The following YEATS2 variants were observed in gnomAD, a reference collection of about 807,000 sequenced individuals.
YEATS2 encodes the protein YEATS domain-containing protein 2.
In YEATS2, 77 loss-of-function variants were observed where a neutral mutation model predicts 163.2. The observed-to-expected ratio is 0.47, with a 90% CI of 0.39 to 0.57. The LOEUF (loss-of-function observed/expected upper bound fraction) is 0.57, where lower values mean the gene tolerates loss of function less well. YEATS2 is among the 20% of genes least tolerant of loss of function. YEATS2 has a pLI of 0.00. For missense variants in YEATS2, 1,549 were observed against 1,729.8 expected (o/e 0.90, Z 1.85); for synonymous variants, 631 against 645.1 (o/e 0.98, Z 0.33).
intron 14 of YEATS2, 38 bp from the exon 15 acceptor site, chr3:183,762,059 T>C (rs777449546): frequency 6.2e-7 from 1 of 1,613,750 alleles, no homozygotes; most frequent in South Asian, 1.1e-5. Flanking sequence ...ATGGGATGTT[T>C]ATGGATGTTT....
intron 15 of YEATS2, 125 bp downstream of exon 15, chr3:183,762,404 G>A (rs1721459908): frequency 1.6e-6 from 2 of 1,243,972 alleles, no homozygotes; most frequent in Admixed American, 2.8e-5. Context: ...GTGGGTGAAA[G>A]CCTAGTTGGA....
At chr3:183,755,047 T>C (rs1314358671) in intron 11 of YEATS2, among the ~76,000 whole-genome samples, 3 of 152,168 alleles carry the variant, frequency 2.0e-5, no homozygotes, top group African/African-American at 7.2e-5. Context: ...TGTTTGGTGT[T>C]GTAAGTAGAC....
intron 8 of YEATS2, among the ~76,000 whole-genome samples, chr3:183,737,352 G>A (rs1718447352): frequency 6.6e-6 from 1 of 152,154 alleles, no homozygotes; most frequent in African/African-American, 2.4e-5. Flanking sequence ...GCTAAGAATA[G>A]TGGGGGGAAG....
chr3:183,764,394 A>G (rs1046192710), intron 15 of YEATS2, among the ~76,000 whole-genome samples: 1 of 140,290 alleles, frequency 7.1e-6, no homozygotes. Flanking sequence ...AAAAAAAAAG[A>G]TATCATATAG....
intron 24 of YEATS2, 121 bp from the exon 25 acceptor site, chr3:183,801,334 T>C (rs533599365): frequency 3.3e-6 from 2 of 610,298 alleles, no homozygotes; most frequent in African/African-American, 3.8e-5. Flanking sequence ...GCTAATATGA[T>C]GGTTTTAATT....
intron 12 of YEATS2, among the ~76,000 whole-genome samples, chr3:183,758,311 C>T (rs1261774405): frequency 3.3e-5 from 5 of 152,018 alleles, no homozygotes; most frequent in East Asian, 1.9e-4. Flanking sequence ...GAGCCGAGAT[C>T]AGGCAACTGC....
intron 21 of YEATS2, chr3:183,793,614 T>C (rs1004356298): frequency 1.3e-3 from 320 of 239,790 alleles, no homozygotes; most frequent in African/African-American, 5.3e-3. Flanking sequence ...TCTTTCTTTT[T>C]TTTTTTTTTT....
chr3:183,707,484 A>G (rs1156794170), intron 1 of YEATS2, among the ~76,000 whole-genome samples: 1 of 152,144 alleles, frequency 6.6e-6, no homozygotes, highest in Admixed American at 6.5e-5. Context: ...GCTAATGGAA[A>G]ATGGATTGTA....
chr3:183,804,585 C>T (rs1347437975), intron 27 of YEATS2, among the ~76,000 whole-genome samples: 1 of 152,246 alleles, frequency 6.6e-6, no homozygotes, highest in Non-Finnish European at 1.5e-5. Flanking sequence ...GCCTGTGTCT[C>T]ATCTGTTACT....
At chr3:183,781,253 C>T (rs1244264019) in intron 19 of YEATS2, among the ~76,000 whole-genome samples, 2 of 152,044 alleles carry the variant, frequency 1.3e-5, no homozygotes, top group East Asian at 1.9e-4. Context: ...CAAAGGCCTG[C>T]GAACTGGTGG....
chr3:183,758,717 A>G, intron 12 of YEATS2, 145 bp from the exon 13 acceptor site: 1 of 647,648 alleles, frequency 1.5e-6, no homozygotes, highest in Non-Finnish European at 2.7e-6. Context: ...TTTTTTCCAT[A>G]CTAGTTTCAG....
intron 20 of YEATS2, among the ~76,000 whole-genome samples, chr3:183,790,440 T>C (rs2108480278): frequency 6.6e-6 from 1 of 152,294 alleles, no homozygotes; most frequent in Admixed American, 6.5e-5. Context: ...CATGTGTTCT[T>C]AATAAAGCTC....
intron 20 of YEATS2, 97 bp from the exon 21 acceptor site, chr3:183,790,700 T>G: frequency 3.8e-4 from 490 of 1,293,924 alleles, no homozygotes; most frequent in Non-Finnish European, 4.8e-4. Context: ...ACCTAATAGA[T>G]GATATTTAGT....
In YEATS2 at chr3:183,724,086, A is replaced by T. The variant is rs74463315; in HGVS notation, c.538-333A>T. ...AAAGGTTAAAAAGAGGGTAAATTCC[A>T]TTGACCCCTTTCTCTCTTTCTATTC... On this transcript the variant is annotated intron_variant, in intron 5 of 30. Coordinates refer to ENST00000305135, the MANE Select transcript of YEATS2 (RefSeq NM_018023.5). 2.0e-5 allele frequency among the ~76,000 whole-genome samples: 3 copies of T among 152,324 alleles called. No homozygotes were observed. In the East Asian group the frequency reaches 5.8e-4, roughly 29 times the overall value.
chr3:183,807,067 A>T lies in YEATS2; in HGVS notation c.3986A>T (p.Glu1329Val). Residue 1329 changes from glutamate to valine, a missense_variant, in exon 28 of 31, where the codon GAA becomes GTA. By Grantham distance (121) the Glu-to-Val change is moderately radical (BLOSUM62 -2). Transcript: ENST00000305135. ...TACCTGCCACCAACCCCAGGGTCTG[A>T]ATTTATTGGGGATGTCACACAGAAG... ...KFYLPPTPGSEFIGDVTQKIG... is the reference protein window; with the variant it reads ...KFYLPPTPGSVFIGDVTQKIG... The T allele has an allele frequency of 6.2e-7, 1 of 1,613,814 alleles. No individual in the cohort carries two copies. The highest frequency in any genetic ancestry group is 2.2e-5 in the East Asian group (1 of 44,886).
intron 7 of YEATS2, among the ~76,000 whole-genome samples, chr3:183,731,030 G>C (rs371969061): frequency 6.6e-6 from 1 of 152,112 alleles, no homozygotes; most frequent in South Asian, 2.1e-4. Flanking sequence ...GGCTGGGCGC[G>C]GTGGCTCAGG....
At chr3:183,764,183 G>T (rs1005821446) in intron 15 of YEATS2, among the ~76,000 whole-genome samples, 1 of 151,984 alleles carries the variant, frequency 6.6e-6, no homozygotes, top group Non-Finnish European at 1.5e-5. Flanking sequence ...GACCAGCCTG[G>T]TCAACTTGGT....
In YEATS2 at chr3:183,810,541, C is replaced by T. The variant is rs758014812; in HGVS notation, c.4227C>T (p.Phe1409=). The part of the protein sequence containing the change: ...QAICNIPFLD[F]LTNKHMGILN... ...TTTGCAACATTCCTTTTCTGGACTT[C>T]CTCACAAACAAACACATGGGAATAT... Residue 1409 remains phenylalanine, a synonymous_variant, in exon 31 of 31, where the codon TTC becomes TTT. Coordinates refer to ENST00000305135, the MANE Select transcript of YEATS2 (RefSeq NM_018023.5). 2.4e-5 allele frequency: 38 copies of T among 1,614,048 alleles called. No homozygotes were observed. The highest frequency in any genetic ancestry group is 3.1e-5 in the Non-Finnish European group (37 of 1,180,040).
At chr3:183,721,483 C>G (rs796340906) in intron 4 of YEATS2, among the ~76,000 whole-genome samples, 18 of 152,238 alleles carry the variant, frequency 1.2e-4, no homozygotes, top group African/African-American at 4.1e-4. Context: ...ACATTTTACT[C>G]TTATGTGGGG....
Sources: gnomAD v4.1 joint callset for allele counts (sites outside exome capture counted in the v4.1 genomes callset) on GRCh38, gnomAD v4.1.1 for gene constraint, MANE v1.5 for transcripts, NCBI Gene and HGNC (gene_info 2026-07-23, HGNC 2026-07-21) for gene names.